The following MYO1D variants were observed in gnomAD, a reference collection of about 807,000 sequenced individuals.
MYO1D encodes unconventional myosin-Id.
MYO1D carries 83 observed loss-of-function variants against 122.0 expected under a neutral mutation model. That is an observed-to-expected ratio of 0.68 (90% CI 0.57 to 0.82). The LOEUF is 0.82. Ranked by LOEUF, MYO1D falls within the 40% of genes least tolerant of loss-of-function variation. The pLI is 0.00. For synonymous variants in MYO1D, 464 were observed against 446.9 expected (o/e 1.04, Z -0.48); for missense variants, 1,157 against 1,269.5 (o/e 0.91, Z 1.35).
At chr17:32,600,209 G>A (rs367946548) in intron 21 of MYO1D, among the ~76,000 whole-genome samples, 4 of 152,198 alleles carry the variant, frequency 2.6e-5, no homozygotes, top group Non-Finnish European at 5.9e-5. Context: ...CAGATGTGCT[G>A]TAATCCAGGC....
intron 5 of MYO1D, among the ~76,000 whole-genome samples, chr17:32,772,181 T>G (rs1567634490): frequency 6.6e-6 from 1 of 152,196 alleles, no homozygotes; most frequent in African/African-American, 2.4e-5. Flanking sequence ...TAATATATCA[T>G]ACTTGTTTTC....
intron 1 of MYO1D, among the ~76,000 whole-genome samples, chr17:32,801,277 T>C (rs779422336): frequency 1.3e-5 from 2 of 152,238 alleles, no homozygotes; most frequent in African/African-American, 2.4e-5. Context: ...TATTTTAAAA[T>C]TCCAGGAAAT....
chr17:32,623,753 G>A (rs937842096), intron 20 of MYO1D, among the ~76,000 whole-genome samples: 3 of 152,122 alleles, frequency 2.0e-5, no homozygotes, highest in Non-Finnish European at 4.4e-5. Context: ...ACTCCTCACG[G>A]TTCTGGAAGC....
intron 21 of MYO1D, among the ~76,000 whole-genome samples, chr17:32,532,552 C>T (rs1428572716): frequency 6.6e-6 from 1 of 151,934 alleles, no homozygotes; most frequent in African/African-American, 2.4e-5. Flanking sequence ...AAGGTGAAAC[C>T]CCGTCTCTAC....
In MYO1D at chr17:32,712,046, A is replaced by G; in HGVS notation, c.2063T>C (p.Phe688Ser). Residue 688 changes from phenylalanine (F) to serine (S), a missense_variant, in exon 16 of 22, where the codon TTT becomes TCT. Physicochemically the swap from Phe to Ser is radical, Grantham distance 155 (BLOSUM62 -2). Transcript: ENST00000318217. ...CTGGGCACGGAGTTCTTCCAAGGTA[A>G]ACAATGTTCGGGGTGTTCGAATGAA... Reference protein sequence around the residue: ...KIFIRTPRTLFTLEELRAQML... With the variant: ...KIFIRTPRTLSTLEELRAQML... 6.2e-7 allele frequency: 1 copy of G among 1,614,178 alleles called. No individual in the cohort carries two copies. Among genetic ancestry groups the G allele is most frequent in the Non-Finnish European group, 8.5e-7 (1 of 1,180,028 alleles).
At position 32,695,875 on chromosome 17, in the gene MYO1D, T is replaced by C. The variant is rs550595510; in HGVS notation, c.2121+16113A>G. Among the ~76,000 whole-genome samples the C allele has an allele frequency of 4.9e-4, 74 of 152,348 alleles. 1 individual carries two copies. The South Asian group carries it at 0.015, about 31-fold the overall frequency. On this transcript the variant is annotated intron_variant, in intron 16 of 21. Transcript: ENST00000318217. ...TCTAGCATTTGCAATCTGGGGTATA[T>C]ACCCAAGAGTAGCAGTTCTCAAAGT... is the stretch of plus-strand genomic sequence containing the variant.
At chr17:32,729,856 G>T (rs551656660) in intron 14 of MYO1D, among the ~76,000 whole-genome samples, 1 of 152,114 alleles carries the variant, frequency 6.6e-6, no homozygotes, top group Non-Finnish European at 1.5e-5. Flanking sequence ...GCTACTACAG[G>T]CCCTGAAATG....
intron 15 of MYO1D, among the ~76,000 whole-genome samples, chr17:32,718,620 G>T (rs1352672559): frequency 6.6e-6 from 1 of 152,062 alleles, no homozygotes; most frequent in Non-Finnish European, 1.5e-5. Context: ...AGAATCGCTT[G>T]AACCCGGGAG....
Position 32,755,586 on chromosome 17 carries a change from T to C in MYO1D, c.1373A>G (p.Asp458Gly). Reference sequence around the variant, plus strand: ...GACTTTGCCGACATTCATGCAAGCATCATCAAGGATTGCAATGATCCCTTT... The same window carrying C: ...GACTTTGCCGACATTCATGCAAGCACCATCAAGGATTGCAATGATCCCTTT... ...QHKGIIAILDDACMNVGKVTD... is the reference protein window; with the variant it reads ...QHKGIIAILDGACMNVGKVTD... Residue 458 changes from aspartate to glycine, a missense_variant, in exon 11 of 22, where the codon GAT becomes GGT. Physicochemically the swap from Asp to Gly is moderately conservative, Grantham distance 94 (BLOSUM62 -1). Coordinates refer to ENST00000318217, the MANE Select transcript of MYO1D (RefSeq NM_015194.3). 2 of 1,613,948 alleles carry C rather than the reference T, an allele frequency of 1.2e-6. No individual in the cohort carries two copies. The highest frequency in any genetic ancestry group is 1.7e-6 in the Non-Finnish European group (2 of 1,179,872).
At chr17:32,540,716 A>G (rs1318674093) in intron 21 of MYO1D, among the ~76,000 whole-genome samples, 2 of 152,026 alleles carry the variant, frequency 1.3e-5, no homozygotes, top group African/African-American at 4.8e-5. Flanking sequence ...ACTTGAGGTC[A>G]GGAGTTCGAG....
chr17:32,779,008 C>T (rs911811537), intron 2 of MYO1D, among the ~76,000 whole-genome samples: 5 of 151,822 alleles, frequency 3.3e-5, no homozygotes, highest in South Asian at 2.1e-4. Flanking sequence ...CAAAATAATT[C>T]GTCTAAAAAA....
chr17:32,535,665 C>T (rs1327406372), intron 21 of MYO1D, among the ~76,000 whole-genome samples: 2 of 152,168 alleles, frequency 1.3e-5, no homozygotes, highest in African/African-American at 2.4e-5. Flanking sequence ...GCAGGAGAAT[C>T]GCTTGAACCC....
intron 1 of MYO1D, among the ~76,000 whole-genome samples, chr17:32,787,740 G>A (rs1430365548): frequency 2.6e-5 from 4 of 151,804 alleles, no homozygotes; most frequent in South Asian, 2.1e-4. Flanking sequence ...TTTATTCCTC[G>A]CCCACCTCCC....
chr17:32,582,494 CTAATTA>C (rs2087351569), intron 21 of MYO1D, among the ~76,000 whole-genome samples: 2 of 152,066 alleles, frequency 1.3e-5, no homozygotes, highest in African/African-American at 4.8e-5. Context: ...CTGTTGATTT[CTAATTA>C]TGTTTCATTA....
Position 32,566,169 on chromosome 17 carries a change from C to A in MYO1D, c.2864+38918G>T, listed in dbSNP as rs1332723973. ...TCCTCCCCTCATGTGCTCCTTATAA[C>A]CCCCTGAAAGTGACAGATGTTAAAT... On this transcript the variant is annotated intron_variant, in intron 21 of 21. Transcript: ENST00000318217. 2.7e-5 allele frequency among the ~76,000 whole-genome samples: 4 copies of A among 150,634 alleles called. No individual in the cohort carries two copies. In the East Asian group the frequency reaches 5.9e-4, roughly 22 times the overall value.
intron 14 of MYO1D, among the ~76,000 whole-genome samples, chr17:32,726,663 T>C (rs942155061): frequency 6.7e-6 from 1 of 149,244 alleles, no homozygotes; most frequent in Non-Finnish European, 1.5e-5. Flanking sequence ...TAAATAGCTA[T>C]AGGTAATATA....
chr17:32,867,325 A>G (rs978179601), intron 1 of MYO1D, among the ~76,000 whole-genome samples: 1 of 132,302 alleles, frequency 7.6e-6, no homozygotes, highest in African/African-American at 2.8e-5. Flanking sequence ...GACTGTCTCA[A>G]AAAAAAAAAA....
chr17:32,511,258 C>G (rs1597865371), intron 21 of MYO1D, among the ~76,000 whole-genome samples: 1 of 151,874 alleles, frequency 6.6e-6, no homozygotes, highest in East Asian at 1.9e-4. Context: ...TCTTGCTGCT[C>G]TGTTGCTCAG....
At chr17:32,654,838 T>C (rs777396318) in intron 17 of MYO1D, among the ~76,000 whole-genome samples, 1 of 152,128 alleles carries the variant, frequency 6.6e-6, no homozygotes, top group Non-Finnish European at 1.5e-5. Flanking sequence ...CCACCATGCC[T>C]GGTTAATTTT....
Sources: allele counts gnomAD v4.1 joint callset (sites outside exome capture counted in the v4.1 genomes callset), GRCh38; gene constraint gnomAD v4.1.1; transcripts MANE v1.5; gene names NCBI Gene and HGNC (gene_info 2026-07-23, HGNC 2026-07-21).